Variants in PSD2 observed in about 807,000 individuals in gnomAD.
PSD2 encodes pleckstrin and Sec7 domain containing 2, also known as PH and SEC7 domain-containing protein 2.
In PSD2, 38 loss-of-function variants were observed where a neutral mutation model predicts 69.8. The observed-to-expected ratio is 0.54, with a 90% confidence interval of 0.42 to 0.71. The LOEUF is 0.71. Among genes scored for constraint, PSD2 ranks in the 30% least tolerant of loss-of-function variants. PSD2 has a pLI of 0.00. For synonymous variants in PSD2, 412 were observed against 423.0 expected (o/e 0.97, Z 0.32); for missense variants, 943 against 1,014.5 (o/e 0.93, Z 0.96).
upstream of PSD2, among the ~76,000 whole-genome samples, chr5:139,792,734 CTT>C (rs1759435339): frequency 6.6e-6 from 1 of 151,150 alleles, no homozygotes; most frequent in Non-Finnish European, 1.5e-5. Flanking sequence ...TTCTTTCTCT[CTT>C]TCTTTTTTCT....
intron 7 of PSD2, among the ~76,000 whole-genome samples, chr5:139,832,472 A>G (rs1306339960): frequency 6.6e-6 from 1 of 152,254 alleles, no homozygotes; most frequent in Non-Finnish European, 1.5e-5. Flanking sequence ...TGGTGTGTGA[A>G]TGTCCCACAT....
chr5:139,802,672 G>GCTGTAAACATAC (rs1759704615), intron 1 of PSD2, among the ~76,000 whole-genome samples: 1 of 152,152 alleles, frequency 6.6e-6, no homozygotes, highest in African/African-American at 2.4e-5. Context: ...GTTGGGCATA[G>GCTGTAAACATAC]AGTCACCAGC....
At position 139,814,280 on chromosome 5, in the gene PSD2, G is replaced by C. The variant is rs760607076; in HGVS notation, c.932G>C (p.Ser311Thr). ...DPLANGCQGV[S>T]EAAHRLARRL... Reference sequence around the variant, plus strand: ...CTGGCCAACGGGTGCCAGGGGGTCAGTGAAGCTGCTCATCGGCTGGCACGC... The same window carrying C: ...CTGGCCAACGGGTGCCAGGGGGTCACTGAAGCTGCTCATCGGCTGGCACGC... Residue 311 changes from serine (S) to threonine (T), a missense_variant, in exon 4 of 15, where the codon AGT becomes ACT. Ser to Thr is a moderately conservative substitution (Grantham distance 58, BLOSUM62 1). Transcript: ENST00000274710. The surrounding 1 kb of genome is among the most constrained non-coding windows in gnomAD (Gnocchi z 4.4). 4 of 1,613,802 alleles carry C rather than the reference G, an allele frequency of 2.5e-6. No individual in the cohort carries two copies. The highest frequency in any genetic ancestry group is 1.3e-5 in the African/African-American group (1 of 75,034).
chr5:139,770,428 C>T, the PSD2 span, among the ~76,000 whole-genome samples: 21 of 152,090 alleles, frequency 1.4e-4, no homozygotes, highest in African/African-American at 4.6e-4. Flanking sequence ...TGGTGGCAGG[C>T]GGACTATAAT....
the PSD2 span, among the ~76,000 whole-genome samples, chr5:139,781,633 C>A: frequency 6.7e-6 from 1 of 149,246 alleles, no homozygotes; most frequent in Non-Finnish European, 1.5e-5. Flanking sequence ...CGGCGCCTGG[C>A]CTTTTTTTTT....
chr5:139,765,391 C>T, the PSD2 span, among the ~76,000 whole-genome samples: 2 of 152,096 alleles, frequency 1.3e-5, no homozygotes, highest in Non-Finnish European at 2.9e-5. Flanking sequence ...CAGTACCTGC[C>T]CGGTGGCCCC....
intron 14 of PSD2, among the ~76,000 whole-genome samples, chr5:139,841,835 A>G (rs1760878379): frequency 6.6e-6 from 1 of 152,156 alleles, no homozygotes. Flanking sequence ...TGCCCATTTA[A>G]AAATTTTGGG....
chr5:139,827,762 A>G (rs1404974836), intron 7 of PSD2, among the ~76,000 whole-genome samples: 1 of 152,196 alleles, frequency 6.6e-6, no homozygotes, highest in African/African-American at 2.4e-5. Flanking sequence ...GGAACTTCCA[A>G]ACACTTATAA....
rs1251952036 is a variant in PSD2 at position 139,809,814 on chromosome 5, G to A, written c.371+3G>A. 3.1e-6 allele frequency: 5 copies of A among 1,613,768 alleles called. No individual in the cohort carries two copies. Among genetic ancestry groups the A allele is most frequent in the South Asian group, 1.1e-5 (1 of 91,010 alleles). Reference sequence around the variant, plus strand: ...GATGCTGAGGACCCTCAGCTGGGGTGAGTGGATGTCTTGGGATGGGAGCTC... The same window carrying A: ...GATGCTGAGGACCCTCAGCTGGGGTAAGTGGATGTCTTGGGATGGGAGCTC... On this transcript the variant is annotated splice_donor_region_variant and intron_variant, in intron 2 of 14. Coordinates refer to ENST00000274710, the MANE Select transcript of PSD2 (RefSeq NM_032289.4).
chr5:139,789,364 G>A, the PSD2 span, among the ~76,000 whole-genome samples: 52,184 of 152,034 alleles, frequency 0.34, 11,061 homozygotes, highest in East Asian at 0.59. Context: ...AGAGGCCTTC[G>A]CTGAACACCT....
At chr5:139,797,085 T>A (rs1262890017) in intron 1 of PSD2, among the ~76,000 whole-genome samples, 2 of 152,194 alleles carry the variant, frequency 1.3e-5, no homozygotes, top group East Asian at 3.9e-4. Flanking sequence ...CCAGGGCAGT[T>A]GCAGTCGTTC....
intron 1 of PSD2, among the ~76,000 whole-genome samples, chr5:139,807,917 G>T (rs1654249976): frequency 6.6e-6 from 1 of 152,232 alleles, no homozygotes; most frequent in Non-Finnish European, 1.5e-5. Context: ...GGTTCGGGAG[G>T]TCTGGGGTAG....
Position 139,809,693 on chromosome 5 carries a change from C to A in PSD2, c.253C>A (p.Pro85Thr). 6.2e-7 allele frequency: 1 copy of A among 1,614,262 alleles called. No individual in the cohort carries two copies. ...TCTCACCAATGGCCTAGCCCTGGGG[C>A]CAGACTTGAACATTCTGGAAGATTC... The part of the protein sequence containing the change: ...LSLTNGLALG[P>T]DLNILEDSAE... Residue 85 changes from proline to threonine, a missense_variant, in exon 2 of 15, where the codon CCA (proline) becomes ACA (threonine). Physicochemically the swap from Pro to Thr is conservative, Grantham distance 38 (BLOSUM62 -1). Around this residue, in one of 3 missense-constraint regions of PSD2, gnomAD observed 466 missense variants for 445.0 expected, o/e 1.05. Coordinates refer to ENST00000274710, the MANE Select transcript of PSD2 (RefSeq NM_032289.4).
At chr5:139,765,763 G>T in the PSD2 span, among the ~76,000 whole-genome samples, 29 of 152,148 alleles carry the variant, frequency 1.9e-4, no homozygotes, top group Non-Finnish European at 3.8e-4. Flanking sequence ...CTGCGTTCCG[G>T]GGGGGTTCCT....
chr5:139,763,184 A>G, the PSD2 span, among the ~76,000 whole-genome samples: 3 of 152,036 alleles, frequency 2.0e-5, no homozygotes, highest in East Asian at 5.8e-4. Flanking sequence ...CATCTTGTCT[A>G]TTCCCTCCAG....
rs1760055628 is a variant in PSD2, at chr5:139,814,195, T to C, written c.847T>C (p.Ser283Pro). 3 of 1,613,664 alleles carry C rather than the reference T, an allele frequency of 1.9e-6. No homozygotes were observed. Among genetic ancestry groups the C allele is most frequent in the Non-Finnish European group, 2.5e-6 (3 of 1,179,810 alleles). The part of the protein sequence containing the change: ...ASDPSLKDGL[S>P]DSDSELSSSE... The stretch of plus-strand genomic sequence containing the variant: ...TGACCCCAGCCTGAAGGATGGCCTG[T>C]CAGACTCAGACTCTGAGCTCAGCAG... Residue 283 changes from serine to proline, a missense_variant, in exon 4 of 15, where the codon TCA becomes CCA. By Grantham distance (74) the Ser-to-Pro change is moderately conservative. This residue lies in a region of PSD2 where 466 missense variants were observed against 445.0 expected (regional missense o/e 1.05). Coordinates refer to ENST00000274710, the MANE Select transcript of PSD2 (RefSeq NM_032289.4). This position sits in a 1 kb window ranked among gnomAD's most constrained non-coding sequence, Gnocchi z 4.4.
the PSD2 span, among the ~76,000 whole-genome samples, chr5:139,765,676 C>A: frequency 6.6e-6 from 1 of 152,246 alleles, no homozygotes; most frequent in East Asian, 1.9e-4. Context: ...AAGCGCGGGG[C>A]GCGGCTGGGG....
chr5:139,803,326 A>T (rs1030697601), intron 1 of PSD2, among the ~76,000 whole-genome samples: 4 of 152,212 alleles, frequency 2.6e-5, no homozygotes, highest in Non-Finnish European at 5.9e-5. Flanking sequence ...CGCATATCCA[A>T]TGGGTGCTGG....
chr5:139,804,308 T>C (rs147682281), intron 1 of PSD2, among the ~76,000 whole-genome samples: 157 of 152,204 alleles, frequency 1.0e-3, no homozygotes, highest in African/African-American at 3.7e-3. Context: ...CCAAGAAAGA[T>C]TTCTTTGCCA....
Sources: gnomAD v4.1 joint callset for allele counts (sites outside exome capture counted in the v4.1 genomes callset) on GRCh38, gnomAD v4.1.1 for gene constraint, gnomAD v4.1.1 regional missense constraint, Gnocchi (gnomAD v3.1) non-coding constraint, MANE v1.5 for transcripts, NCBI Gene and HGNC (gene_info 2026-07-23, HGNC 2026-07-21) for gene names.